The following DSCAML1 variants were observed in gnomAD, a reference collection of about 807,000 sequenced individuals.
DSCAML1 encodes the protein DS cell adhesion molecule like 1, also known as cell adhesion molecule DSCAML1.
A neutral mutation model predicts 200.5 loss-of-function variants in DSCAML1; 38 were observed. That is an observed-to-expected ratio of 0.19 (90% CI 0.15 to 0.25). The LOEUF (loss-of-function observed/expected upper bound fraction) is 0.25. Ranked by LOEUF, DSCAML1 falls within the 10% of genes least tolerant of loss-of-function variation. The pLI, the probability that DSCAML1 is intolerant of heterozygous loss-of-function variation, is 1.00. For synonymous variants in DSCAML1, 1,215 were observed against 1,165.0 expected, an observed-to-expected ratio of 1.04 and a Z score of -0.87; for missense variants, 2,223 against 2,858.8, an observed-to-expected ratio of 0.78 and a Z score of 5.07.
At position 117,439,663 on chromosome 11, in the gene DSCAML1, G is replaced by T. The variant is rs543656378; in HGVS notation, c.3980+156C>A. On this transcript the variant is annotated intron_variant, in intron 22 of 32. Coordinates refer to ENST00000651296, the MANE Select transcript of DSCAML1 (RefSeq NM_020693.4). ...AGAGGGGAGCCAGGAGGCCAGGCCT[G>T]CTTGAGAGAGCAGTAGCAGCACACC... Among the ~76,000 whole-genome samples the T allele has an allele frequency of 2.0e-5, 3 of 152,246 alleles. No homozygotes were observed. The South Asian group carries it at 6.2e-4, about 32-fold the overall frequency.
intron 19 of DSCAML1, among the ~76,000 whole-genome samples, chr11:117,453,746 C>CTTTTTT (rs138176049): frequency 7.2e-6 from 1 of 138,182 alleles, no homozygotes; most frequent in African/African-American, 2.8e-5. Flanking sequence ...TTCTTTCTTT[C>CTTTTTT]TTTTTTTTTT....
At chr11:117,563,270 G>A (rs1380205848) in intron 3 of DSCAML1, among the ~76,000 whole-genome samples, 1 of 152,158 alleles carries the variant, frequency 6.6e-6, no homozygotes, top group Non-Finnish European at 1.5e-5. Flanking sequence ...AAAGAGAGAG[G>A]GGAAATAAAT....
At position 117,428,786 on chromosome 11, in the gene DSCAML1, G is replaced by T; in HGVS notation, c.5704C>A (p.Pro1902Thr). ...RANKSDYCNL[P>T]LYAKSEAFFR... is the part of the protein sequence containing the mutation. ...AAGGCCTCTGACTTGGCATACAGGG[G>T]CAGGTTGCAGTAGTCACCTGGAATC... Residue 1902 changes from proline to threonine, a missense_variant, in exon 33 of 33, where the codon CCC becomes ACC. Pro to Thr is a conservative substitution (Grantham distance 38). Around this residue, in one of 7 missense-constraint regions of DSCAML1, gnomAD observed 280 missense variants for 213.4 expected, o/e 1.31. Coordinates refer to ENST00000651296, the MANE Select transcript of DSCAML1 (RefSeq NM_020693.4). 4 of 1,604,672 alleles carry T rather than the reference G, an allele frequency of 2.5e-6. No homozygotes were observed. The highest frequency in any genetic ancestry group is 1.1e-5 in the South Asian group (1 of 89,186).
chr11:117,452,367 C>T (rs2048299526), intron 19 of DSCAML1, among the ~76,000 whole-genome samples: 1 of 152,110 alleles, frequency 6.6e-6, no homozygotes. Flanking sequence ...CAAAGGGTTC[C>T]TCTTTATCTC....
intron 3 of DSCAML1, chr11:117,611,167 C>G (rs1426901581): frequency 6.6e-6 from 1 of 152,262 alleles, no homozygotes; most frequent in Admixed American, 6.5e-5. Context: ...TACCCGCCCT[C>G]CTCACTTGCT....
chr11:117,594,138 A>C (rs980429838), intron 3 of DSCAML1, among the ~76,000 whole-genome samples: 1 of 152,188 alleles, frequency 6.6e-6, no homozygotes, highest in African/African-American at 2.4e-5. Context: ...AAAGAGGGGC[A>C]CTCAGTATAA....
At chr11:117,567,435 T>C (rs1012063915) in intron 3 of DSCAML1, among the ~76,000 whole-genome samples, 1 of 152,170 alleles carries the variant, frequency 6.6e-6, no homozygotes, top group Non-Finnish European at 1.5e-5. Context: ...GGTTTGTTTT[T>C]TTCTTGTAAA....
At chr11:117,523,695 T>A (rs1031823394) in intron 5 of DSCAML1, among the ~76,000 whole-genome samples, 2 of 152,202 alleles carry the variant, frequency 1.3e-5, no homozygotes, top group African/African-American at 4.8e-5. Flanking sequence ...CTGCTGTGGT[T>A]CTCTGGTCAG....
intron 3 of DSCAML1, among the ~76,000 whole-genome samples, chr11:117,676,800 G>A (rs2053224112): frequency 6.6e-6 from 1 of 152,252 alleles, no homozygotes; most frequent in Non-Finnish European, 1.5e-5. Flanking sequence ...GCTCCCAGAG[G>A]GCCCAGTGTT....
rs36226708 is a variant in DSCAML1, at chr11:117,575,846, CCAAAACAAAACAAAA to C, written c.512-43339_512-43325del. Among the ~76,000 whole-genome samples the C allele has an allele frequency of 2.1e-3, 312 of 150,418 alleles. 4 individuals are homozygous for C. Among genetic ancestry groups the C allele is most frequent in the East Asian group, 0.012 (62 of 5,064 alleles). On this transcript the variant is annotated intron_variant, in intron 3 of 32. Transcript: ENST00000651296. Reference sequence around the variant, plus strand: ...GATCCTGTCCAAAAACAAAAACAACCCAAAACAAAACAAAACAAAACAAAACAAAACAAAACAAAC... The same window carrying C: ...GATCCTGTCCAAAAACAAAAACAACCCAAAACAAAACAAAACAAAACAAAC...
chr11:117,546,899 A>T lies in DSCAML1; in HGVS notation c.512-14377T>A, dbSNP rs2050382572. 2.0e-5 allele frequency among the ~76,000 whole-genome samples: 3 copies of T among 152,092 alleles called. No homozygotes were observed. The South Asian group carries it at 6.2e-4, about 32-fold the overall frequency. ...TGGAGCGCTCCCAGGCTTCCTTTCAAATGACTTGTACACACACTGCAGATT... is the reference window on the plus strand; with the variant it reads ...TGGAGCGCTCCCAGGCTTCCTTTCATATGACTTGTACACACACTGCAGATT... On this transcript the variant is annotated intron_variant, in intron 3 of 32. Transcript: ENST00000651296.
chr11:117,778,139 C>T (rs75146442), intron 2 of DSCAML1, among the ~76,000 whole-genome samples: 3,680 of 152,332 alleles, frequency 0.024, 51 homozygotes, highest in South Asian at 0.046. Flanking sequence ...GGCCCTCCCT[C>T]GGCCTTTATT....
At position 117,504,047 on chromosome 11, in the gene DSCAML1, G is replaced by A. The variant is rs375750021; in HGVS notation, c.2183-26C>T. 1.4e-4 allele frequency: 227 copies of A among 1,610,770 alleles called. 1 individual carries two copies. The African/African-American group carries it at 2.8e-3, about 20-fold the overall frequency. ...CTGGAAGGAGGCAGCTGTTAGGAGGGCTGAGTCTGCACTGGGGCATAAGCT... is the reference window on the plus strand; with the variant it reads ...CTGGAAGGAGGCAGCTGTTAGGAGGACTGAGTCTGCACTGGGGCATAAGCT... On this transcript the variant is annotated intron_variant, in intron 10 of 32. Transcript: ENST00000651296. This position sits in a 1 kb window ranked among gnomAD's most constrained non-coding sequence, Gnocchi z 5.0.
At position 117,503,762 on chromosome 11, in the gene DSCAML1, T is replaced by G; in HGVS notation, c.2359+83A>C. On this transcript the variant is annotated intron_variant, in intron 11 of 32. Transcript: ENST00000651296. This position sits in a 1 kb window ranked among gnomAD's most constrained non-coding sequence, Gnocchi z 5.2. The stretch of plus-strand genomic sequence containing the variant: ...CCTTCATAGATGAAACGACGGAGAC[T>G]AAGAGAGTAGGCAGGGAGAGTGCAG... 1 of 1,454,864 alleles carries G rather than the reference T, an allele frequency of 6.9e-7. No individual in the cohort carries two copies. Among genetic ancestry groups the G allele is most frequent in the Non-Finnish European group, 9.3e-7 (1 of 1,074,384 alleles). 90.1% of individuals were successfully genotyped at this position (1,454,864 alleles called of 1,614,324 possible).
chr11:117,481,892 A>T, intron 12 of DSCAML1, 71 bp downstream of exon 12: 1 of 1,580,548 alleles, frequency 6.3e-7, no homozygotes, highest in Non-Finnish European at 8.6e-7. Flanking sequence ...TCCTGGATGC[A>T]GATGTGATAG....
intron 3 of DSCAML1, among the ~76,000 whole-genome samples, chr11:117,747,793 T>C (rs2054542015): frequency 6.6e-6 from 1 of 152,100 alleles, no homozygotes; most frequent in African/African-American, 2.4e-5. Flanking sequence ...TGCAGTGCTG[T>C]GTGGGGCAGA....
chr11:117,707,880 C>T (rs1222743502), intron 3 of DSCAML1, among the ~76,000 whole-genome samples: 1 of 152,202 alleles, frequency 6.6e-6, no homozygotes, highest in African/African-American at 2.4e-5. Flanking sequence ...ATTCTGAAGC[C>T]TTCTGAAGCA....
intron 1 of DSCAML1, among the ~76,000 whole-genome samples, chr11:117,816,847 A>G (rs767019312): frequency 2.0e-4 from 31 of 152,114 alleles, no homozygotes; most frequent in Middle Eastern, 3.4e-3. Flanking sequence ...CATTTAGAAA[A>G]ACTGGAGGCC....
At chr11:117,797,897 C>G (rs991596080), upstream of DSCAML1, among the ~76,000 whole-genome samples, 1 of 152,230 alleles carries the variant, frequency 6.6e-6, no homozygotes, top group Non-Finnish European at 1.5e-5. Flanking sequence ...TATAGCTTTC[C>G]TGCCTGACAG....
Sources: allele counts gnomAD v4.1 joint callset (sites outside exome capture counted in the v4.1 genomes callset), GRCh38; gene constraint gnomAD v4.1.1; regional missense constraint gnomAD v4.1.1; non-coding constraint Gnocchi (gnomAD v3.1); transcripts MANE v1.5; gene names NCBI Gene and HGNC (gene_info 2026-07-23, HGNC 2026-07-21).